Variants in CDK14 observed in about 807,000 individuals in gnomAD.
CDK14 encodes the protein cyclin dependent kinase 14.
In CDK14, 34 loss-of-function variants were observed where a neutral mutation model predicts 60.7. The observed-to-expected ratio is 0.56, with a 90% CI of 0.43 to 0.75. The LOEUF (loss-of-function observed/expected upper bound fraction) is 0.75, where lower values mean the gene tolerates loss of function less well. Among genes scored for constraint, CDK14 ranks in the 30% least tolerant of loss-of-function variants. The probability of loss-of-function intolerance (pLI) is 0.00; values close to 1 mark genes in which losing one functional copy is unlikely to be tolerated. For synonymous variants in CDK14, 197 were observed against 203.7 expected (o/e 0.97, Z 0.28); for missense variants, 482 against 564.1 (o/e 0.85, Z 1.47).
intron 13 of CDK14, 106 bp downstream of exon 13, chr7:91,112,787 A>G: frequency 1.7e-6 from 2 of 1,176,992 alleles, no homozygotes; most frequent in Non-Finnish European, 2.4e-6. Flanking sequence ...TGTGTCCACA[A>G]ACATAAGATA....
intron 11 of CDK14, among the ~76,000 whole-genome samples, chr7:91,054,631 G>A (rs1369510074): frequency 6.6e-6 from 1 of 152,124 alleles, no homozygotes; most frequent in African/African-American, 2.4e-5. Flanking sequence ...GTCGGTGTTT[G>A]CATCAGCAGT....
chr7:91,158,618 A>C lies in CDK14; in HGVS notation c.*28+40410A>C, dbSNP rs929955163. Reference sequence around the variant, plus strand: ...TATGAAATATTCTCTAGTTTTGGAGAAGTTTTTCTGTGAAGTAATGTGTGC... The same window carrying C: ...TATGAAATATTCTCTAGTTTTGGAGCAGTTTTTCTGTGAAGTAATGTGTGC... On this transcript the variant is annotated intron_variant, in intron 14 of 14. Transcript: ENST00000380050. Among the ~76,000 whole-genome samples, 18 of 152,254 alleles carry C rather than the reference A, an allele frequency of 1.2e-4. No individual in the cohort carries two copies. In the South Asian group the frequency reaches 1.5e-3, roughly 12 times the overall value.
At chr7:91,061,075 A>G (rs1300117111) in intron 11 of CDK14, among the ~76,000 whole-genome samples, 2 of 152,078 alleles carry the variant, frequency 1.3e-5, no homozygotes, top group African/African-American at 2.4e-5. Flanking sequence ...ATAGTCACAT[A>G]TTTCTTGGAG....
chr7:91,090,788 T>A (rs1376405198), intron 12 of CDK14, among the ~76,000 whole-genome samples: 2 of 152,184 alleles, frequency 1.3e-5, no homozygotes, highest in East Asian at 3.8e-4. Context: ...TGTCTCTCTC[T>A]TGGGTATCCA....
At chr7:91,026,699 A>G (rs1290283466) in intron 10 of CDK14, among the ~76,000 whole-genome samples, 1 of 152,184 alleles carries the variant, frequency 6.6e-6, no homozygotes, top group Non-Finnish European at 1.5e-5. Context: ...AAGTTATGCA[A>G]TCTGTTTCAC....
intron 5 of CDK14, among the ~76,000 whole-genome samples, chr7:90,831,877 A>G (rs760643760): frequency 4.6e-5 from 7 of 151,812 alleles, no homozygotes; most frequent in Non-Finnish European, 1.0e-4. Context: ...TCTTAGCCAC[A>G]CTGGTCTCCT....
chr7:91,157,607 A>G (rs1801020553), intron 14 of CDK14, among the ~76,000 whole-genome samples: 1 of 152,176 alleles, frequency 6.6e-6, no homozygotes, highest in South Asian at 2.1e-4. Flanking sequence ...TCTGACAGGT[A>G]TTAACTTTGT....
intron 14 of CDK14, among the ~76,000 whole-genome samples, chr7:91,205,205 G>A (rs548672020): frequency 3.9e-5 from 6 of 152,218 alleles, no homozygotes; most frequent in East Asian, 1.9e-4. Flanking sequence ...CAAAAGAATG[G>A]AAAACAGTGT....
intron 3 of CDK14, among the ~76,000 whole-genome samples, chr7:90,733,754 C>G (rs1359161198): frequency 6.6e-6 from 1 of 152,144 alleles, no homozygotes; most frequent in African/African-American, 2.4e-5. Flanking sequence ...GGTCTTGACT[C>G]TGTCCAATTT....
intron 5 of CDK14, among the ~76,000 whole-genome samples, chr7:90,819,101 G>T (rs916789740): frequency 1.3e-5 from 2 of 151,980 alleles, no homozygotes; most frequent in Non-Finnish European, 1.5e-5. Flanking sequence ...ATATTGTTTT[G>T]GTCTGTGCAT....
chr7:90,723,071 T>C (rs1802512800), intron 2 of CDK14, among the ~76,000 whole-genome samples: 1 of 152,222 alleles, frequency 6.6e-6, no homozygotes, highest in African/African-American at 2.4e-5. Flanking sequence ...AAGTATGATG[T>C]TACATGTAAT....
chr7:90,627,406 TCTGA>T, intron 2 of CDK14, among the ~76,000 whole-genome samples: 1 of 152,084 alleles, frequency 6.6e-6, no homozygotes, highest in East Asian at 1.9e-4. Flanking sequence ...GAGACAGAGG[TCTGA>T]CTGTGTTGCC....
intron 5 of CDK14, among the ~76,000 whole-genome samples, chr7:90,842,417 G>A (rs1790329729): frequency 6.6e-6 from 1 of 152,160 alleles, no homozygotes; most frequent in Non-Finnish European, 1.5e-5. Flanking sequence ...AAGGCAGTGA[G>A]AATGTGCACC....
chr7:91,074,904 A>C (rs1798251482), intron 11 of CDK14, among the ~76,000 whole-genome samples: 1 of 152,178 alleles, frequency 6.6e-6, no homozygotes. Flanking sequence ...GAAATGGATA[A>C]ACTCATAACA....
intron 2 of CDK14, among the ~76,000 whole-genome samples, chr7:90,674,620 G>A (rs997427628): frequency 6.6e-6 from 1 of 152,168 alleles, no homozygotes; most frequent in Non-Finnish European, 1.5e-5. Context: ...GAGGTTTAGG[G>A]AGGATTCCCT....
At chr7:90,911,839 A>ATTAG (rs1792912012) in intron 7 of CDK14, among the ~76,000 whole-genome samples, 1 of 152,174 alleles carries the variant, frequency 6.6e-6, no homozygotes, top group Non-Finnish European at 1.5e-5. Context: ...TAATTAATTA[A>ATTAG]TTAATTTTAC....
chr7:90,641,782 AT>A (rs1264747043), intron 2 of CDK14, among the ~76,000 whole-genome samples: 2 of 152,104 alleles, frequency 1.3e-5, no homozygotes, highest in Non-Finnish European at 2.9e-5. Flanking sequence ...TTATTAGTTC[AT>A]TTTCACACTG....
intron 4 of CDK14, among the ~76,000 whole-genome samples, chr7:90,767,298 T>A (rs1324547540): frequency 6.6e-6 from 1 of 152,222 alleles, no homozygotes; most frequent in East Asian, 1.9e-4. Context: ...AGCACATCCA[T>A]GTACCTTATA....
At chr7:90,641,565 A>G (rs568365166) in intron 2 of CDK14, among the ~76,000 whole-genome samples, 1 of 152,294 alleles carries the variant, frequency 6.6e-6, no homozygotes, top group African/African-American at 2.4e-5. Flanking sequence ...GAAATGTCCA[A>G]AATAGGTAAA....
Sources: allele counts gnomAD v4.1 joint callset (sites outside exome capture counted in the v4.1 genomes callset), GRCh38; gene constraint gnomAD v4.1.1; transcripts MANE v1.5; gene names NCBI Gene and HGNC (gene_info 2026-07-23, HGNC 2026-07-21).